The following CUL2 variants were observed in gnomAD, a reference collection of about 807,000 sequenced individuals.
CUL2 encodes cullin 2, also known as cullin-2.
CUL2 carries 22 observed loss-of-function variants against 110.2 expected under a neutral mutation model. The ratio of observed to expected loss-of-function variants is 0.20; its 90% CI spans 0.14 to 0.28. The LOEUF (loss-of-function observed/expected upper bound fraction) is 0.28, where lower values mean the gene tolerates loss of function less well. Among genes scored for constraint, CUL2 ranks in the 10% least tolerant of loss-of-function variants. The probability of loss-of-function intolerance (pLI) is 1.00; values close to 1 mark genes in which losing one functional copy is unlikely to be tolerated. For missense variants in CUL2, 631 were observed against 905.5 expected (o/e 0.70, Z 3.89); for synonymous variants, 279 against 293.2 (o/e 0.95, Z 0.49).
At chr10:35,041,524 C>T (rs894545200) in intron 8 of CUL2, among the ~76,000 whole-genome samples, 2 of 145,766 alleles carry the variant, frequency 1.4e-5, no homozygotes, top group Non-Finnish European at 3.1e-5. Context: ...ACATTATTTC[C>T]TGAAATGAGC....
intron 2 of CUL2, among the ~76,000 whole-genome samples, chr10:35,065,826 T>G (rs1187033983): frequency 6.6e-6 from 1 of 151,842 alleles, no homozygotes; most frequent in Non-Finnish European, 1.5e-5. Flanking sequence ...ACCACTGCAT[T>G]CCAGCCTGGC....
At position 35,066,215 on chromosome 10, in the gene CUL2, C is replaced by T. The variant is rs868132188; in HGVS notation, c.120-3153G>A. ...GCAATGGGAATAAAAGGAAAGGTTACCTAAAAAAATGAAAATGTAAGACAA... is the reference window on the plus strand; with the variant it reads ...GCAATGGGAATAAAAGGAAAGGTTATCTAAAAAAATGAAAATGTAAGACAA... On this transcript the variant is annotated intron_variant, in intron 2 of 20. Coordinates refer to ENST00000374749, the MANE Select transcript of CUL2 (RefSeq NM_003591.4). Among the ~76,000 whole-genome samples the T allele has an allele frequency of 3.3e-5, 5 of 151,372 alleles. No individual in the cohort carries two copies. In the South Asian group the frequency reaches 8.3e-4, roughly 25 times the overall value.
intron 2 of CUL2, among the ~76,000 whole-genome samples, chr10:35,063,307 T>C (rs1426580147): frequency 6.6e-6 from 1 of 152,124 alleles, no homozygotes; most frequent in Non-Finnish European, 1.5e-5. Context: ...GTAAGGAAAA[T>C]GGTTCTTATC....
intron 6 of CUL2, among the ~76,000 whole-genome samples, chr10:35,048,306 A>C (rs1188692851): frequency 6.6e-6 from 1 of 152,230 alleles, no homozygotes; most frequent in Admixed American, 6.5e-5. Flanking sequence ...CAACAAAAAT[A>C]AGACAAGCAG....
At chr10:35,102,899 A>AG (rs2087402571) in intron 1 of CUL2, among the ~76,000 whole-genome samples, 1 of 151,932 alleles carries the variant, frequency 6.6e-6, no homozygotes, top group Admixed American at 6.6e-5. Flanking sequence ...AAAAAAAAAA[A>AG]ATTTTAAGAA....
At chr10:35,076,598 T>C (rs2086823882) in intron 1 of CUL2, among the ~76,000 whole-genome samples, 1 of 152,174 alleles carries the variant, frequency 6.6e-6, no homozygotes, top group African/African-American at 2.4e-5. Flanking sequence ...CACCTCCCAT[T>C]GAATGAGGCA....
At chr10:35,074,226 T>TA (rs778184622) in intron 1 of CUL2, 1 of 1,535,204 alleles carries the variant, frequency 6.5e-7, no homozygotes, top group Non-Finnish European at 8.7e-7. Flanking sequence ...ACTCTGTACA[T>TA]AAAGTACAAA....
chr10:35,116,933 G>A (rs1016665703), intron 1 of CUL2, among the ~76,000 whole-genome samples: 4 of 151,332 alleles, frequency 2.6e-5, no homozygotes, highest in Non-Finnish European at 4.4e-5. Context: ...CTCCAGCCTG[G>A]GCGACAGGGT....
intron 17 of CUL2, among the ~76,000 whole-genome samples, chr10:35,020,575 C>G (rs1298890821): frequency 6.6e-6 from 1 of 152,204 alleles, no homozygotes; most frequent in Non-Finnish European, 1.5e-5. Flanking sequence ...CTGATCCATA[C>G]TATGTACTGT....
chr10:35,015,657 A>G (rs957198776), intron 18 of CUL2, among the ~76,000 whole-genome samples: 4 of 152,236 alleles, frequency 2.6e-5, no homozygotes, highest in Admixed American at 1.3e-4. Flanking sequence ...AAAAAGTTAC[A>G]GAGAAAAAAA....
intron 17 of CUL2, among the ~76,000 whole-genome samples, chr10:35,021,412 TAC>T (rs2085178716): frequency 6.6e-6 from 1 of 151,822 alleles, no homozygotes; most frequent in African/African-American, 2.4e-5. Flanking sequence ...TGTATAAACA[TAC>T]ATTTTTTTAT....
In CUL2 at chr10:35,123,132, G is replaced by A. The variant is rs530204868; in HGVS notation, c.-51+3473C>T. ...CAGCCAGGGTGACAGAGTGAGATCC[G>A]ATCTACAAACAAGCAAAACATAACA... is the stretch of plus-strand genomic sequence containing the variant. On this transcript the variant is annotated intron_variant, in intron 1 of 5. Transcript: ENST00000685421. Among the ~76,000 whole-genome samples, 111 of 147,606 alleles carry A rather than the reference G, an allele frequency of 7.5e-4. 1 individual carries two copies. The highest frequency in any genetic ancestry group is 1.2e-3 in the Non-Finnish European group (80 of 67,320).
intron 16 of CUL2, among the ~76,000 whole-genome samples, chr10:35,027,926 T>C (rs1588964855): frequency 6.6e-6 from 1 of 152,092 alleles, no homozygotes; most frequent in African/African-American, 2.4e-5. Context: ...AAACTATAAA[T>C]AGAAAATAAT....
At chr10:35,089,759 G>A (rs890206742) in intron 1 of CUL2, 1 of 152,152 alleles carries the variant, frequency 6.6e-6, no homozygotes, top group Non-Finnish European at 1.5e-5. Flanking sequence ...ATCAATCTTT[G>A]CAGTCTGCGG....
chr10:35,034,493 C>T (rs1047936581), intron 10 of CUL2, among the ~76,000 whole-genome samples: 1 of 152,160 alleles, frequency 6.6e-6, no homozygotes, highest in Non-Finnish European at 1.5e-5. Context: ...GACGTCTATA[C>T]ACAGATACTA....
intron 6 of CUL2, among the ~76,000 whole-genome samples, chr10:35,045,914 G>C (rs1253172823): frequency 6.6e-6 from 1 of 152,074 alleles, no homozygotes; most frequent in Non-Finnish European, 1.5e-5. Context: ...GTCACAAAGA[G>C]AGCAACAGAA....
intron 16 of CUL2, among the ~76,000 whole-genome samples, chr10:35,026,041 T>A (rs2085329541): frequency 6.6e-6 from 1 of 152,338 alleles, no homozygotes; most frequent in South Asian, 2.1e-4. Flanking sequence ...TCAGCTATAT[T>A]ATGACCACTC....
intron 1 of CUL2, among the ~76,000 whole-genome samples, chr10:35,082,007 C>A (rs1311595336): frequency 6.6e-6 from 1 of 151,990 alleles, no homozygotes; most frequent in Non-Finnish European, 1.5e-5. Flanking sequence ...TGTTTACAAT[C>A]CCAAAGAGAG....
chr10:35,072,537 T>C (rs555834481), intron 1 of CUL2, among the ~76,000 whole-genome samples: 1 of 152,100 alleles, frequency 6.6e-6, no homozygotes, highest in East Asian at 1.9e-4. Context: ...CCCGGCTCAT[T>C]TTTTGTATTT....
Sources: gnomAD v4.1 joint callset for allele counts (sites outside exome capture counted in the v4.1 genomes callset) on GRCh38, gnomAD v4.1.1 for gene constraint, MANE v1.5 for transcripts, NCBI Gene and HGNC (gene_info 2026-07-23, HGNC 2026-07-21) for gene names.